The following ZNF577 variants were observed in gnomAD, a reference collection of about 807,000 sequenced individuals.
ZNF577 encodes zinc finger protein 577.
Under a neutral mutation model 13.9 loss-of-function variants are expected in ZNF577, and 14 were observed. The ratio of observed to expected loss-of-function variants is 1.00; its 90% CI spans 0.66 to 1.57. ZNF577 has a LOEUF of 1.57. ZNF577 is among the 40% of genes most tolerant of loss of function. ZNF577 has a pLI of 0.00. For missense variants in ZNF577, 555 were observed against 579.2 expected (o/e 0.96, Z 0.43); for synonymous variants, 203 against 202.9 (o/e 1.00, Z 0.00).
chr19:51,870,521 A>C lies in ZNF577; in HGVS notation c.*2011T>G, dbSNP rs1378484122. Among the ~76,000 whole-genome samples, 1 of 152,152 alleles carries C rather than the reference A, an allele frequency of 6.6e-6. No individual in the cohort carries two copies. The highest frequency in any genetic ancestry group is 1.5e-5 in the Non-Finnish European group (1 of 68,030). On this transcript the variant is annotated 3_prime_UTR_variant, in exon 6 of 6. Transcript: ENST00000638348. ...CCACTGTGATTCTCCAAATGTTAGGAGGCGTTTCCACTCCAGCTGGTGGAA... is the reference window on the plus strand; with the variant it reads ...CCACTGTGATTCTCCAAATGTTAGGCGGCGTTTCCACTCCAGCTGGTGGAA...
intron 5 of ZNF577, among the ~76,000 whole-genome samples, chr19:51,857,075 C>T (rs1004070082): frequency 3.9e-5 from 6 of 151,902 alleles, no homozygotes; most frequent in African/African-American, 7.3e-5. Context: ...CCGAGGCAGG[C>T]GGAACATGAG....
chr19:51,882,588 C>G (rs1478399502), intron 1 of ZNF577, among the ~76,000 whole-genome samples: 2 of 151,834 alleles, frequency 1.3e-5, no homozygotes, highest in Non-Finnish European at 2.9e-5. Flanking sequence ...TCAAAACCAG[C>G]CTGGGCAACA....
Position 51,878,451 on chromosome 19 carries a change from T to A in ZNF577, c.125A>T (p.Gln42Leu), listed in dbSNP as rs1237320415. Residue 42 changes from glutamine to leucine, a missense_variant, in exon 4 of 6, where the codon CAG becomes CTG. Transcript: ENST00000638348. ...FTREEWQFLDQSQKVLYKEVM... is the reference protein window; with the variant it reads ...FTREEWQFLDLSQKVLYKEVM... ...TTCCTTGTACAAGACCTTCTGAGAC[T>A]GGTCCAAAAACTGCCACTCCTCCCT... 1 of 1,614,148 alleles carries A rather than the reference T, an allele frequency of 6.2e-7. No individual in the cohort carries two copies. Among genetic ancestry groups the A allele is most frequent in the Non-Finnish European group, 8.5e-7 (1 of 1,180,010 alleles).
At chr19:51,839,164 G>A (rs2084305273) in intron 9 of ZNF577, among the ~76,000 whole-genome samples, 1 of 152,096 alleles carries the variant, frequency 6.6e-6, no homozygotes, top group Non-Finnish European at 1.5e-5. Context: ...CCAAAGTCAT[G>A]CAGACAGTAA....
In ZNF577 at chr19:51,815,803, A is replaced by G. The variant is rs527725687; in HGVS notation, c.*600-4129T>C. On this transcript the variant is annotated intron_variant and NMD_transcript_variant, in intron 9 of 10. Coordinates refer to the ZNF577 transcript ENST00000638827. ...TTGAGCCCAGGGAAGTGGAGGTTAC[A>G]GTGAGCAGCGATCATGCCACTAGAC... Among the ~76,000 whole-genome samples, 31 of 151,734 alleles carry G rather than the reference A, an allele frequency of 2.0e-4. No homozygotes were observed. In the East Asian group the frequency reaches 5.4e-3, roughly 27 times the overall value.
intron 2 of ZNF577, 30 bp from the exon 3 acceptor site, chr19:51,880,431 G>A: frequency 6.2e-7 from 1 of 1,607,846 alleles, no homozygotes; most frequent in Non-Finnish European, 8.5e-7. Flanking sequence ...ACAGTTTAAA[G>A]CAGAGAAAAC....
At chr19:51,881,692 C>T (rs1303046684) in intron 1 of ZNF577, among the ~76,000 whole-genome samples, 2 of 152,134 alleles carry the variant, frequency 1.3e-5, no homozygotes, top group Non-Finnish European at 2.9e-5. Flanking sequence ...CTTTACACTG[C>T]GGGGTGGCCA....
chr19:51,809,379 C>T (rs1354186010), intron 10 of ZNF577, among the ~76,000 whole-genome samples: 2 of 152,188 alleles, frequency 1.3e-5, no homozygotes, highest in Non-Finnish European at 2.9e-5. Context: ...CACATCAGCT[C>T]CCGTATCCAT....
chr19:51,866,668 A>C (rs1180973041), downstream of ZNF577, among the ~76,000 whole-genome samples: 2 of 152,232 alleles, frequency 1.3e-5, no homozygotes, highest in Non-Finnish European at 2.9e-5. Context: ...CAGAAAATTA[A>C]TACATTATTG....
At chr19:51,842,790 C>T (rs1184727321) in intron 8 of ZNF577, 1 of 152,194 alleles carries the variant, frequency 6.6e-6, no homozygotes, top group Non-Finnish European at 1.5e-5. Flanking sequence ...ACTTTGGTTC[C>T]ACTAACTCCC....
chr19:51,808,433 A>G (rs117603797), intron 10 of ZNF577, among the ~76,000 whole-genome samples: 2,798 of 152,322 alleles, frequency 0.018, 39 homozygotes, highest in Non-Finnish European at 0.03. Context: ...GATCTGTAGG[A>G]GCAGCCAAAA....
At chr19:51,828,572 C>T (rs1283643124) in intron 9 of ZNF577, among the ~76,000 whole-genome samples, 1 of 151,974 alleles carries the variant, frequency 6.6e-6, no homozygotes, top group East Asian at 1.9e-4. Flanking sequence ...TTTTCTTTTC[C>T]TCTTTAGGAG....
At chr19:51,848,424 G>A (rs7256504) in intron 5 of ZNF577, among the ~76,000 whole-genome samples, 17,545 of 152,142 alleles carry the variant, frequency 0.12, 3,179 homozygotes, top group African/African-American at 0.39. Context: ...TGTGGAAGAG[G>A]TATCTGTACT....
intron 8 of ZNF577, chr19:51,842,711 A>C (rs1376681263): frequency 2.0e-5 from 3 of 152,238 alleles, no homozygotes; most frequent in African/African-American, 7.2e-5. Flanking sequence ...AGTCACCCTT[A>C]AAGGTTCACA....
intron 9 of ZNF577, among the ~76,000 whole-genome samples, chr19:51,828,994 G>A (rs927717576): frequency 3.3e-5 from 5 of 152,138 alleles, no homozygotes; most frequent in Admixed American, 6.5e-5. Context: ...TTGAGGGCAC[G>A]TTGTCCCTTG....
intron 5 of ZNF577, among the ~76,000 whole-genome samples, chr19:51,858,345 T>G (rs2122591934): frequency 6.6e-6 from 1 of 152,352 alleles, no homozygotes; most frequent in South Asian, 2.1e-4. Context: ...GTGTCAGGTG[T>G]TGTGTTCAGC....
chr19:51,873,800 C>T, intron 5 of ZNF577, 94 bp from the exon 6 acceptor site: 1 of 979,416 alleles, frequency 1.0e-6, no homozygotes, highest in Non-Finnish European at 1.5e-6. Context: ...AACTTATTTC[C>T]AAGGGCATAA....
chr19:51,886,773 G>A (rs147322616), intron 1 of ZNF577, 48 bp downstream of exon 1: 45 of 152,204 alleles, frequency 3.0e-4, no homozygotes, highest in Admixed American at 2.7e-3. Context: ...AAGAAACTAT[G>A]ACAGCTTTTT....
Position 51,871,225 on chromosome 19 carries a change from G to A in ZNF577, c.*1307C>T, listed in dbSNP as rs2084654738. On this transcript the variant is annotated 3_prime_UTR_variant, in exon 6 of 6. Coordinates refer to ENST00000638348, the MANE Select transcript of ZNF577 (RefSeq NM_001370449.1). ...ACTCCTGGACTCAAGCAATCATCTTGCCTCAGCCTCCCAAGTAGCTGGGAC... is the reference window on the plus strand; with the variant it reads ...ACTCCTGGACTCAAGCAATCATCTTACCTCAGCCTCCCAAGTAGCTGGGAC... The A allele has an allele frequency of 6.6e-6, 1 of 151,754 alleles. No individual in the cohort carries two copies. The highest frequency in any genetic ancestry group is 2.1e-4 in the South Asian group (1 of 4,816). 9.4% of individuals were successfully genotyped at this position (151,754 alleles called of 1,614,324 possible).
Sources: allele counts gnomAD v4.1 joint callset (sites outside exome capture counted in the v4.1 genomes callset), GRCh38; gene constraint gnomAD v4.1.1; transcripts MANE v1.5; gene names NCBI Gene and HGNC (gene_info 2026-07-23, HGNC 2026-07-21).